The following ZNF69 variants were observed in gnomAD, a reference collection of about 807,000 sequenced individuals.
ZNF69 encodes the protein ZNF3.
In ZNF69, 47 loss-of-function variants were observed where a neutral mutation model predicts 50.9. That is an observed-to-expected ratio of 0.92 (90% confidence interval 0.73 to 1.18). The LOEUF (loss-of-function observed/expected upper bound fraction) is 1.18. ZNF69 is among the 50% of genes most tolerant of loss of function. The pLI, the probability that ZNF69 is intolerant of heterozygous loss-of-function variation, is 0.00. For missense variants in ZNF69, 717 were observed against 675.1 expected (o/e 1.06, Z -0.69); for synonymous variants, 216 against 223.1 (o/e 0.97, Z 0.29).
chr19:11,919,653 C>G, the ZNF69 span, among the ~76,000 whole-genome samples: 164 of 152,176 alleles, frequency 1.1e-3, 1 homozygote, highest in African/African-American at 3.7e-3. Flanking sequence ...GACACGAACC[C>G]TTTAGGAGAT....
At chr19:11,939,786 T>A in the ZNF69 span, among the ~76,000 whole-genome samples, 1 of 151,720 alleles carries the variant, frequency 6.6e-6, no homozygotes, top group South Asian at 2.1e-4. Flanking sequence ...TATCATTACT[T>A]ATTGGAAAAC....
chr19:11,945,763 T>C, the ZNF69 span, among the ~76,000 whole-genome samples: 1 of 151,964 alleles, frequency 6.6e-6, no homozygotes, highest in African/African-American at 2.4e-5. Flanking sequence ...CCGGGTAACT[T>C]TAGCTGTAAA....
chr19:11,922,448 A>AT, the ZNF69 span, among the ~76,000 whole-genome samples: 1 of 152,290 alleles, frequency 6.6e-6, no homozygotes, highest in South Asian at 2.1e-4. Flanking sequence ...CCTGTACTCC[A>AT]TATTGGTCTC....
At chr19:11,910,995 G>A (rs9749599), downstream of ZNF69, among the ~76,000 whole-genome samples, 3,705 of 151,546 alleles carry the variant, frequency 0.024, 75 homozygotes, top group Non-Finnish European at 0.039. Context: ...AAACAACCCC[G>A]TCAAAAAGTG....
At chr19:11,919,131 G>A (rs564049893), downstream of ZNF69, among the ~76,000 whole-genome samples, 2 of 152,022 alleles carry the variant, frequency 1.3e-5, no homozygotes, top group South Asian at 2.1e-4. Context: ...TCCTGCCCTC[G>A]TGATCCGCCT....
chr19:11,949,830 T>C, the ZNF69 span: 2 of 1,592,094 alleles, frequency 1.3e-6, no homozygotes, highest in African/African-American at 3.0e-5. Context: ...AAGCCTTCAG[T>C]TGTGCCTCAA....
At chr19:11,920,731 T>TA in the ZNF69 span, among the ~76,000 whole-genome samples, 1 of 152,020 alleles carries the variant, frequency 6.6e-6, no homozygotes, top group Non-Finnish European at 1.5e-5. Context: ...CTACCAAAAA[T>TA]ACAAAAAATT....
downstream of ZNF69, among the ~76,000 whole-genome samples, chr19:11,910,904 A>C (rs1475090725): frequency 1.3e-5 from 2 of 152,174 alleles, no homozygotes; most frequent in African/African-American, 4.8e-5. Context: ...AATGGGAGAA[A>C]ATTTTTACAA....
At chr19:11,965,976 AGT>A in the ZNF69 span, among the ~76,000 whole-genome samples, 1 of 152,068 alleles carries the variant, frequency 6.6e-6, no homozygotes, top group African/African-American at 2.4e-5. Context: ...GTTGATTGAG[AGT>A]GTGAAGTTTG....
the ZNF69 span, among the ~76,000 whole-genome samples, chr19:11,938,222 C>T: frequency 6.6e-6 from 1 of 152,100 alleles, no homozygotes; most frequent in Non-Finnish European, 1.5e-5. Flanking sequence ...GTACACACCA[C>T]CACACCTGGC....
chr19:11,959,642 C>T, the ZNF69 span, among the ~76,000 whole-genome samples: 2 of 152,228 alleles, frequency 1.3e-5, no homozygotes, highest in African/African-American at 4.8e-5. Context: ...TCTCTTATTT[C>T]GCTGCTTAAT....
the ZNF69 span, chr19:11,949,166 A>G: frequency 1.2e-6 from 2 of 1,611,496 alleles, no homozygotes; most frequent in African/African-American, 1.4e-5. Context: ...CAAACACATG[A>G]AAAAACTCAC....
At chr19:11,890,809 T>C (rs1224421687) in intron 1 of ZNF69, among the ~76,000 whole-genome samples, 2 of 152,168 alleles carry the variant, frequency 1.3e-5, no homozygotes, top group Non-Finnish European at 2.9e-5. Context: ...TCAGCTTTTA[T>C]AAGGTACATG....
chr19:11,950,708 G>T, the ZNF69 span: 1 of 212,436 alleles, frequency 4.7e-6, no homozygotes, highest in Admixed American at 5.4e-5. Flanking sequence ...ATACTAACAT[G>T]TTATTCTTTT....
At position 11,905,136 on chromosome 19, in the gene ZNF69, C is replaced by A; in HGVS notation, c.739C>A (p.Pro247Thr). The A allele has an allele frequency of 6.2e-7, 1 of 1,614,106 alleles. No homozygotes were observed. Among genetic ancestry groups the A allele is most frequent in the Admixed American group, 1.7e-5 (1 of 60,016 alleles). Residue 247 changes from proline (P) to threonine (T), a missense_variant, in exon 4 of 4, where the codon CCA becomes ACA. Physicochemically the swap from Pro to Thr is conservative, Grantham distance 38. Coordinates refer to ENST00000429654, the MANE Select transcript of ZNF69 (RefSeq NM_001364730.1). ...TGAAAGAATTCACACTGGAGAGAAA[C>A]CATATGAATGTAAACAATGTGGTAA... ...IHERIHTGEK[P>T]YECKQCGKSF... is the part of the protein sequence containing the mutation.
At chr19:11,916,980 T>C (rs1972528157), downstream of ZNF69, among the ~76,000 whole-genome samples, 2 of 152,204 alleles carry the variant, frequency 1.3e-5, no homozygotes, top group Non-Finnish European at 2.9e-5. Context: ...GTATCCTTCA[T>C]AGTAAGTGGG....
At chr19:11,964,917 C>T in the ZNF69 span, 1 of 428,794 alleles carries the variant, frequency 2.3e-6, no homozygotes, top group Non-Finnish European at 4.3e-6. Flanking sequence ...TCTGCCGGGC[C>T]TGATACCCAA....
the ZNF69 span, among the ~76,000 whole-genome samples, chr19:11,925,877 G>A: frequency 2.6e-5 from 4 of 152,178 alleles, no homozygotes; most frequent in Admixed American, 6.5e-5. Context: ...GTCCCGAGGC[G>A]GCTCAAGACA....
chr19:11,931,524 C>T, the ZNF69 span, among the ~76,000 whole-genome samples: 1 of 148,302 alleles, frequency 6.7e-6, no homozygotes, highest in African/African-American at 2.6e-5. Flanking sequence ...TAACACCTCC[C>T]AACAATATTC....
Sources: allele counts gnomAD v4.1 joint callset (sites outside exome capture counted in the v4.1 genomes callset), GRCh38; gene constraint gnomAD v4.1.1; transcripts MANE v1.5; gene names NCBI Gene and HGNC (gene_info 2026-07-23, HGNC 2026-07-21).